The following GALNTL6 variants were observed in gnomAD, a reference collection of about 807,000 sequenced individuals.
GALNTL6 encodes polypeptide N-acetylgalactosaminyltransferase like 6.
GALNTL6 carries 46 observed loss-of-function variants against 73.7 expected under a neutral mutation model. The ratio of observed to expected loss-of-function variants is 0.62; its 90% confidence interval spans 0.49 to 0.80. GALNTL6 has a LOEUF of 0.80. GALNTL6 is among the 30% of genes least tolerant of loss of function. The probability of loss-of-function intolerance (pLI) is 0.00; values close to 1 mark genes in which losing one functional copy is unlikely to be tolerated. For missense variants in GALNTL6, 604 were observed against 755.0 expected (o/e 0.80, Z 2.34); for synonymous variants, 259 against 263.7 (o/e 0.98, Z 0.17).
At chr4:172,212,406 G>A (rs146265502) in intron 2 of GALNTL6, among the ~76,000 whole-genome samples, 90 of 152,028 alleles carry the variant, frequency 5.9e-4, no homozygotes, top group African/African-American at 2.1e-3. Context: ...GTGATCCGCC[G>A]CCTCAGCCTC....
chr4:172,216,782 C>T (rs148226951), intron 2 of GALNTL6, among the ~76,000 whole-genome samples: 5 of 152,036 alleles, frequency 3.3e-5, no homozygotes, highest in African/African-American at 7.2e-5. Context: ...CAGGAGGTCC[C>T]GAGAACATGT....
chr4:172,644,989 G>A (rs1740172244), intron 5 of GALNTL6, among the ~76,000 whole-genome samples: 2 of 151,948 alleles, frequency 1.3e-5, no homozygotes, highest in African/African-American at 4.8e-5. Context: ...GAATGTTTAA[G>A]TACTCTGTTG....
chr4:172,574,413 T>A (rs896645089), intron 5 of GALNTL6, among the ~76,000 whole-genome samples: 4 of 151,180 alleles, frequency 2.6e-5, no homozygotes, highest in Non-Finnish European at 5.9e-5. Flanking sequence ...ATAAATAAAT[T>A]GTTTATTATT....
chr4:172,674,687 C>G (rs972464571), intron 5 of GALNTL6, among the ~76,000 whole-genome samples: 1 of 152,052 alleles, frequency 6.6e-6, no homozygotes, highest in Admixed American at 6.6e-5. Context: ...TCTCTCTGTT[C>G]TAGTCTGACT....
chr4:172,662,610 G>A (rs1317690162), intron 5 of GALNTL6, among the ~76,000 whole-genome samples: 1 of 152,172 alleles, frequency 6.6e-6, no homozygotes, highest in Non-Finnish European at 1.5e-5. Context: ...AGATAGGGTG[G>A]TGATTTGCTC....
intron 5 of GALNTL6, among the ~76,000 whole-genome samples, chr4:172,387,313 C>G: frequency 6.6e-6 from 1 of 152,094 alleles, no homozygotes; most frequent in East Asian, 1.9e-4. Flanking sequence ...AGGTTTCTTT[C>G]TTTGGTATTT....
intron 10 of GALNTL6, among the ~76,000 whole-genome samples, chr4:172,993,445 C>T (rs1376790720): frequency 2.6e-5 from 4 of 152,330 alleles, no homozygotes; most frequent in Non-Finnish European, 4.4e-5. Context: ...TATACCAAAA[C>T]CATTCCAGGT....
intron 5 of GALNTL6, chr4:172,669,134 A>G (rs1186862627): frequency 6.6e-6 from 1 of 152,226 alleles, no homozygotes; most frequent in Non-Finnish European, 1.5e-5. Flanking sequence ...TAACTCCATT[A>G]GCACCCAGCT....
At chr4:172,837,399 T>C (rs1284230811) in intron 7 of GALNTL6, among the ~76,000 whole-genome samples, 1 of 152,132 alleles carries the variant, frequency 6.6e-6, no homozygotes, top group African/African-American at 2.4e-5. Flanking sequence ...TATTGTTTTA[T>C]ATATACTGTT....
At chr4:172,446,941 A>G (rs1431543942) in intron 5 of GALNTL6, among the ~76,000 whole-genome samples, 1 of 152,130 alleles carries the variant, frequency 6.6e-6, no homozygotes, top group African/African-American at 2.4e-5. Flanking sequence ...ATTTTTCTCA[A>G]AAATATTGCT....
intron 5 of GALNTL6, among the ~76,000 whole-genome samples, chr4:172,497,987 A>AGTTC (rs1373032356): frequency 4.6e-4 from 28 of 61,186 alleles, no homozygotes; most frequent in African/African-American, 1.5e-3. Flanking sequence ...GGAATGTCAC[A>AGTTC]TTTCTTTTTT....
At chr4:172,102,270 C>T (rs535262895) in intron 2 of GALNTL6, among the ~76,000 whole-genome samples, 10 of 152,234 alleles carry the variant, frequency 6.6e-5, no homozygotes, top group South Asian at 2.1e-4. Flanking sequence ...ATGCTACAGA[C>T]GCTTATTAAC....
chr4:172,842,199 G>A (rs1017352211), intron 7 of GALNTL6, among the ~76,000 whole-genome samples: 1 of 152,156 alleles, frequency 6.6e-6, no homozygotes, highest in African/African-American at 2.4e-5. Flanking sequence ...CTTAATCTAT[G>A]AACTATATAC....
intron 4 of GALNTL6, among the ~76,000 whole-genome samples, chr4:172,321,459 T>C (rs1036800087): frequency 3.3e-5 from 5 of 152,140 alleles, no homozygotes; most frequent in Admixed American, 3.3e-4. Flanking sequence ...TAATACAAAC[T>C]GTCTGTGAGA....
chr4:173,016,688 T>G (rs1579785615), intron 11 of GALNTL6, among the ~76,000 whole-genome samples: 1 of 152,098 alleles, frequency 6.6e-6, no homozygotes, highest in Non-Finnish European at 1.5e-5. Context: ...AGGCGGAGGG[T>G]ACTTGCCTTG....
intron 2 of GALNTL6, among the ~76,000 whole-genome samples, chr4:171,877,044 G>A (rs1350100087): frequency 6.6e-6 from 1 of 152,066 alleles, no homozygotes; most frequent in Admixed American, 6.6e-5. Context: ...CCCTCATTAG[G>A]CTGAGAATGT....
intron 2 of GALNTL6, among the ~76,000 whole-genome samples, chr4:171,949,525 G>A (rs111736042): frequency 2.6e-4 from 39 of 152,242 alleles, no homozygotes; most frequent in Non-Finnish European, 4.7e-4. Context: ...GGAAAAAAGC[G>A]TAATGTATAA....
At chr4:171,856,485 A>C (rs556147147) in intron 2 of GALNTL6, among the ~76,000 whole-genome samples, 1 of 152,262 alleles carries the variant, frequency 6.6e-6, no homozygotes, top group South Asian at 2.1e-4. Context: ...GTCGTATCTA[A>C]AAAATCACCA....
At chr4:172,580,282 T>G (rs1481234208) in intron 5 of GALNTL6, among the ~76,000 whole-genome samples, 1 of 152,102 alleles carries the variant, frequency 6.6e-6, no homozygotes, top group East Asian at 1.9e-4. Flanking sequence ...GAAGCAAATA[T>G]ATAATATGTT....
Sources: allele counts gnomAD v4.1 joint callset (sites outside exome capture counted in the v4.1 genomes callset), GRCh38; gene constraint gnomAD v4.1.1; transcripts MANE v1.5; gene names NCBI Gene and HGNC (gene_info 2026-07-23, HGNC 2026-07-21).